The following KIAA0586 variants were observed in gnomAD, a reference collection of about 807,000 sequenced individuals.
The protein encoded by KIAA0586 is protein TALPID3.
KIAA0586 carries 144 observed loss-of-function variants against 169.8 expected under a neutral mutation model. The observed-to-expected ratio is 0.85, with a 90% CI of 0.74 to 0.97. The LOEUF is 0.97. KIAA0586 is among the 50% of genes least tolerant of loss of function. The pLI, the probability that KIAA0586 is intolerant of heterozygous loss-of-function variation, is 0.00. For missense variants in KIAA0586, 1,854 were observed against 1,823.0 expected (o/e 1.02, Z -0.31); for synonymous variants, 625 against 612.4 (o/e 1.02, Z -0.30).
chr14:58,471,202 C>T (rs905673097), intron 17 of KIAA0586, among the ~76,000 whole-genome samples: 1 of 152,150 alleles, frequency 6.6e-6, no homozygotes, highest in East Asian at 1.9e-4. Flanking sequence ...CAGATCCTTA[C>T]ATTTATAACT....
At chr14:58,468,321 G>A (rs1360479314) in intron 16 of KIAA0586, among the ~76,000 whole-genome samples, 1 of 152,102 alleles carries the variant, frequency 6.6e-6, no homozygotes, top group Non-Finnish European at 1.5e-5. Flanking sequence ...AAAGTGCTGG[G>A]ATTACAGGCA....
At chr14:58,498,431 C>G (rs928611838) in intron 26 of KIAA0586, among the ~76,000 whole-genome samples, 2 of 152,126 alleles carry the variant, frequency 1.3e-5, no homozygotes, top group African/African-American at 4.8e-5. Context: ...CTGCCTCGGC[C>G]TCCTAAAGTG....
In KIAA0586 at chr14:58,477,119, T is replaced by C. The variant is rs1566861648; in HGVS notation, c.2826-4T>C. 6.7e-7 allele frequency: 1 copy of C among 1,499,302 alleles called. No homozygotes were observed. Among genetic ancestry groups the C allele is most frequent in the South Asian group, 1.2e-5 (1 of 83,322 alleles). 92.9% of individuals were successfully genotyped at this position (1,499,302 alleles called of 1,614,324 possible). On this transcript the variant is annotated splice_polypyrimidine_tract_variant and splice_region_variant and intron_variant, in intron 19 of 30. Transcript: ENST00000652326. ...AACTTTTATCTGCCCCACCATCCTC[T>C]CAGGGTAGAGCAAGAAATAATGTCA...
At chr14:58,516,755 A>G (rs191264712) in intron 29 of KIAA0586, among the ~76,000 whole-genome samples, 1 of 152,334 alleles carries the variant, frequency 6.6e-6, no homozygotes, top group East Asian at 1.9e-4. Context: ...GACTTATTAT[A>G]AAGCTACAGT....
At chr14:58,442,995 T>C in intron 5 of KIAA0586, 115 bp downstream of exon 5, 2 of 745,010 alleles carry the variant, frequency 2.7e-6, no homozygotes, top group Non-Finnish European at 4.2e-6. Context: ...TTGTAGTTGC[T>C]CTCAATTTGA....
Position 58,461,642 on chromosome 14 carries a change from G to T in KIAA0586, c.2059+482G>T, listed in dbSNP as rs147257484. Among the ~76,000 whole-genome samples, 3 of 152,134 alleles carry T rather than the reference G, an allele frequency of 2.0e-5. No homozygotes were observed. The East Asian group carries it at 5.8e-4, about 29-fold the overall frequency. Reference sequence around the variant, plus strand: ...TATAGAGACAGGGTTTCACCACATTGCCCACAGTGGGTGATGATGAATCTT... The same window carrying T: ...TATAGAGACAGGGTTTCACCACATTTCCCACAGTGGGTGATGATGAATCTT... On this transcript the variant is annotated intron_variant, in intron 14 of 30. Coordinates refer to ENST00000652326, the MANE Select transcript of KIAA0586 (RefSeq NM_001329943.3).
Position 58,453,462 on chromosome 14 carries a change from G to A in KIAA0586, c.1242G>A (p.Glu414=), listed in dbSNP as rs2039569393. The change falls in exon 9 of 31, where the codon GAG becomes GAA. Residue 414 remains glutamate, a synonymous_variant. Coordinates refer to ENST00000652326, the MANE Select transcript of KIAA0586 (RefSeq NM_001329943.3). ...GGTCAAAAATAGGATGGACTCCTGA[G>A]AAAACAAACAGGTAAAAACAAGAGA... ...LTRSKIGWTP[E]KTNRFPSCEE... 1 of 1,509,562 alleles carries A rather than the reference G, an allele frequency of 6.6e-7. No individual in the cohort carries two copies. The highest frequency in any genetic ancestry group is 1.4e-5 in the African/African-American group (1 of 70,112). 93.5% of individuals were successfully genotyped at this position (1,509,562 alleles called of 1,614,324 possible). A position where few individuals can be genotyped will look rare whatever the true frequency, so the allele number is the denominator to read the frequency against.
At position 58,430,644 on chromosome 14, in the gene KIAA0586, A is replaced by G. The variant is rs1412220588; in HGVS notation, c.271-4A>G. On this transcript the variant is annotated splice_region_variant and splice_polypyrimidine_tract_variant and intron_variant, in intron 2 of 30. Transcript: ENST00000652326. The stretch of plus-strand genomic sequence containing the variant: ...AGCCTATTTCTTCCTTTCATATCCC[A>G]AAGGATTTTTCTAAAGACGTTGCAG... 3.2e-6 allele frequency: 5 copies of G among 1,583,650 alleles called. No individual in the cohort carries two copies. In the South Asian group the frequency reaches 5.7e-5, roughly 18 times the overall value.
At chr14:58,527,938 C>T (rs2045701750) in intron 29 of KIAA0586, among the ~76,000 whole-genome samples, 3 of 152,116 alleles carry the variant, frequency 2.0e-5, no homozygotes, top group African/African-American at 4.8e-5. Flanking sequence ...CAAGACCCAT[C>T]GGTGTGCTGT....
chr14:58,503,450 T>C (rs747023183), intron 27 of KIAA0586, among the ~76,000 whole-genome samples: 12 of 152,192 alleles, frequency 7.9e-5, no homozygotes, highest in Non-Finnish European at 1.5e-4. Context: ...ATGATAAGAA[T>C]ATTCCAGTTT....
chr14:58,506,077 G>C (rs1411525013), intron 27 of KIAA0586, among the ~76,000 whole-genome samples: 1 of 151,470 alleles, frequency 6.6e-6, no homozygotes, highest in Non-Finnish European at 1.5e-5. Context: ...AAGTCTCTTG[G>C]GTTTTCTAGG....
At chr14:58,434,163 A>G (rs1176969148) in intron 4 of KIAA0586, among the ~76,000 whole-genome samples, 1 of 152,242 alleles carries the variant, frequency 6.6e-6, no homozygotes, top group African/African-American at 2.4e-5. Context: ...AATCTTGGAC[A>G]AGTCTAAGTC....
intron 29 of KIAA0586, among the ~76,000 whole-genome samples, chr14:58,517,169 T>C (rs2141542564): frequency 6.6e-6 from 1 of 152,288 alleles, no homozygotes; most frequent in East Asian, 1.9e-4. Flanking sequence ...AAAGACAGTG[T>C]TAAGAGAATG....
chr14:58,442,048 A>T (rs2038429776), intron 4 of KIAA0586: 1 of 152,256 alleles, frequency 6.6e-6, no homozygotes, highest in Admixed American at 6.5e-5. Flanking sequence ...GTCTGCCTTT[A>T]GGAGTAAAGC....
intron 4 of KIAA0586, among the ~76,000 whole-genome samples, chr14:58,437,479 G>A (rs1374325289): frequency 6.6e-6 from 1 of 152,020 alleles, no homozygotes; most frequent in African/African-American, 2.4e-5. Context: ...GGGAGGTCAA[G>A]CTGGGAGGAT....
chr14:58,441,220 G>A lies in KIAA0586; in HGVS notation c.411-1486G>A, dbSNP rs982449380. The A allele has an allele frequency of 2.0e-5, 6 of 301,282 alleles. No homozygotes were observed. The highest frequency in any genetic ancestry group is 4.0e-5 in the Non-Finnish European group (6 of 150,110). The allele number at this position is 301,282 out of a possible 1,614,324, so 18.7% of individuals were successfully genotyped here. ...TTTTTTTTTTTTTTTTTCTGGGACA[G>A]TGTCTCACTTTGTCTCACAGGCTGG... is the stretch of plus-strand genomic sequence containing the variant. On this transcript the variant is annotated intron_variant, in intron 4 of 30. Coordinates refer to ENST00000652326, the MANE Select transcript of KIAA0586 (RefSeq NM_001329943.3).
chr14:58,453,614 A>G (rs2140767083), intron 9 of KIAA0586, 141 bp downstream of exon 9: 1 of 565,808 alleles, frequency 1.8e-6, no homozygotes, highest in Non-Finnish European at 3.0e-6. Flanking sequence ...TGATGCTAAT[A>G]TATCTTCCCC....
chr14:58,442,255 G>A (rs769148049), intron 4 of KIAA0586, among the ~76,000 whole-genome samples: 8 of 151,926 alleles, frequency 5.3e-5, no homozygotes, highest in South Asian at 2.1e-4. Context: ...GACTACAGGC[G>A]CATGCCACCA....
intron 27 of KIAA0586, among the ~76,000 whole-genome samples, chr14:58,499,443 G>T (rs576615691): frequency 6.6e-6 from 1 of 151,594 alleles, no homozygotes; most frequent in Admixed American, 6.6e-5. Context: ...TAGTAGAGAT[G>T]GGGTTTCACC....
Sources: gnomAD v4.1 joint callset for allele counts (sites outside exome capture counted in the v4.1 genomes callset) on GRCh38, gnomAD v4.1.1 for gene constraint, MANE v1.5 for transcripts, NCBI Gene and HGNC (gene_info 2026-07-23, HGNC 2026-07-21) for gene names.